The following INTS10 variants were observed in gnomAD, a reference collection of about 807,000 sequenced individuals.
The protein encoded by INTS10 is chromosome 8 open reading frame 35.
In INTS10, 44 loss-of-function variants were observed where a neutral mutation model predicts 94.4. The ratio of observed to expected loss-of-function variants is 0.47; its 90% CI spans 0.37 to 0.60. INTS10 has a LOEUF of 0.60. INTS10 is among the 20% of genes least tolerant of loss of function. The probability of loss-of-function intolerance (pLI) is 0.00; values close to 1 mark genes in which losing one functional copy is unlikely to be tolerated. For missense variants in INTS10, 797 were observed against 868.7 expected (o/e 0.92, Z 1.04); for synonymous variants, 341 against 320.7 (o/e 1.06, Z -0.68).
At chr8:19,842,617 A>G (rs1179087230) in intron 13 of INTS10, among the ~76,000 whole-genome samples, 1 of 152,248 alleles carries the variant, frequency 6.6e-6, no homozygotes, top group Admixed American at 6.5e-5. Context: ...TCTCATAAAA[A>G]GTATTTAAGC....
chr8:19,820,495 C>T lies in INTS10; in HGVS notation c.418C>T (p.Pro140Ser). 1 of 1,612,586 alleles carries T rather than the reference C, an allele frequency of 6.2e-7. No homozygotes were observed. Among genetic ancestry groups the T allele is most frequent in the South Asian group, 1.1e-5 (1 of 90,952 alleles). The change falls in exon 4 of 17, where the codon CCT (proline) becomes TCT (serine). Residue 140 changes from proline (P) to serine (S), a missense_variant. This residue lies in a region of INTS10 where 734 missense variants were observed against 787.8 expected (regional missense o/e 0.93). Coordinates refer to ENST00000397977, the MANE Select transcript of INTS10 (RefSeq NM_018142.4). ...GTTGCTTCTACTTTTGAGGCGCTTC[C>T]CTGAAACGGTGGTGCAGCATGGGGT... is the stretch of plus-strand genomic sequence containing the variant. ...EMLLLLLRRF[P>S]ETVVQHGVGL... is the part of the protein sequence containing the mutation.
In INTS10 at chr8:19,845,450, AGGGAGTTTAGT is replaced by A. The variant is rs1340786750; in HGVS notation, c.1883-250_1883-240del. The A allele has an allele frequency of 1.1e-5, 5 of 475,062 alleles. 1 individual carries two copies. In the Admixed American group the frequency reaches 1.6e-4, roughly 15 times the overall value. The allele number at this position is 475,062 out of a possible 1,614,324, so 29.4% of individuals were successfully genotyped here. A position where few individuals can be genotyped will look rare whatever the true frequency, so the allele number is the denominator to read the frequency against. On this transcript the variant is annotated intron_variant, in intron 15 of 16. Transcript: ENST00000397977. ...TCTCATGCCAAGAGTTATCTGTGCG[AGGGAGTTTAGT>A]GGGTATAAGAATCAGGTTTTGGCAT...
chr8:19,828,053 G>GA (rs1036800437), intron 9 of INTS10, among the ~76,000 whole-genome samples: 75 of 146,382 alleles, frequency 5.1e-4, no homozygotes, highest in East Asian at 1.2e-3. Flanking sequence ...TATAAAAAAT[G>GA]AAAAAAAAAA....
chr8:19,818,911 A>G (rs986494561), intron 2 of INTS10: 1 of 152,316 alleles, frequency 6.6e-6, no homozygotes, highest in Non-Finnish European at 1.5e-5. Context: ...ATAGTTTTAA[A>G]TTATTTGAAA....
rs760240743 is a variant in INTS10 at position 19,817,685 on chromosome 8, A to C, written c.129+19A>C. On this transcript the variant is annotated intron_variant, in intron 1 of 16. Coordinates refer to ENST00000397977, the MANE Select transcript of INTS10 (RefSeq NM_018142.4). ...CATCCAGGTGAGGTCCCGGCTGTGC[A>C]TGCGGCCGCTCTGCGTGGAGGTGCG... The C allele has an allele frequency of 2.1e-5, 33 of 1,597,122 alleles. No homozygotes were observed. In the South Asian group the frequency reaches 3.0e-4, roughly 15 times the overall value.
Position 19,826,441 on chromosome 8 carries a change from G to A in INTS10, c.1022G>A (p.Ser341Asn). The A allele has an allele frequency of 3.7e-6, 6 of 1,611,846 alleles. No individual in the cohort carries two copies. Among genetic ancestry groups the A allele is most frequent in the Non-Finnish European group, 5.1e-6 (6 of 1,179,306 alleles). Reference protein sequence around the residue: ...PSLFQGPNAPSQVPLVLLEDV... With the variant: ...PSLFQGPNAPNQVPLVLLEDV... Reference sequence around the variant, plus strand: ...CCGTCCTTAGGTCCTAATGCCCCGAGCCAAGTTCCACTGGTTCTTCTTGAA... The same window carrying A: ...CCGTCCTTAGGTCCTAATGCCCCGAACCAAGTTCCACTGGTTCTTCTTGAA... Residue 341 changes from serine (S) to asparagine (N), a missense_variant, in exon 9 of 17, where the codon AGC becomes AAC. By Grantham distance (46) the Ser-to-Asn change is conservative (BLOSUM62 1). This residue lies in a region of INTS10 where 734 missense variants were observed against 787.8 expected (regional missense o/e 0.93). Transcript: ENST00000397977.
chr8:19,833,136 C>G (rs1589991199), intron 11 of INTS10, 33 bp from the exon 12 acceptor site: 6 of 1,494,904 alleles, frequency 4.0e-6, no homozygotes, highest in Non-Finnish European at 5.4e-6. Flanking sequence ...AACAGCGATG[C>G]TTTTCCCCTC....
At chr8:19,820,581 G>C (rs753273432) in intron 4 of INTS10, 63 bp downstream of exon 4, 1 of 1,414,300 alleles carries the variant, frequency 7.1e-7, no homozygotes, top group African/African-American at 1.4e-5. Flanking sequence ...CAGATTCATC[G>C]GTATGGTGAG....
At position 19,818,350 on chromosome 8, in the gene INTS10, G is replaced by C. The variant is rs1285883325; in HGVS notation, c.197+8G>C. ...GAGGCTGCTGTACGACATGTGAGTGGGACGCTTGACATCACTTTTACTGCA... is the reference window on the plus strand; with the variant it reads ...GAGGCTGCTGTACGACATGTGAGTGCGACGCTTGACATCACTTTTACTGCA... On this transcript the variant is annotated splice_region_variant and intron_variant, in intron 2 of 16. Coordinates refer to ENST00000397977, the MANE Select transcript of INTS10 (RefSeq NM_018142.4). 8.1e-6 allele frequency: 13 copies of C among 1,613,106 alleles called. No individual in the cohort carries two copies. Among genetic ancestry groups the C allele is most frequent in the Non-Finnish European group, 1.1e-5 (13 of 1,179,804 alleles).
At position 19,833,387 on chromosome 8, in the gene INTS10, T is replaced by C. The variant is rs561194773; in HGVS notation, c.1530+66T>C. ...GGCCACCTGGCCTTTCTCCTTTCCC[T>C]AGCGTGGCTTTTCATTCAGTGCACG... is the stretch of plus-strand genomic sequence containing the variant. On this transcript the variant is annotated intron_variant, in intron 12 of 16. Transcript: ENST00000397977. 5.0e-5 allele frequency: 63 copies of C among 1,269,582 alleles called. No homozygotes were observed. The African/African-American group carries it at 9.4e-4, about 19-fold the overall frequency. 78.6% of individuals were successfully genotyped at this position (1,269,582 alleles called of 1,614,324 possible). A position where few individuals can be genotyped will look rare whatever the true frequency, so the allele number is the denominator to read the frequency against.
At chr8:19,823,462 CT>C in intron 6 of INTS10, 21 bp downstream of exon 6, 1 of 1,535,376 alleles carries the variant, frequency 6.5e-7, no homozygotes, top group East Asian at 2.3e-5. Context: ...ATACCCTGTA[CT>C]TTTACTTAAA....
Position 19,851,804 on chromosome 8 carries a change from G to A in INTS10, c.2132G>A (p.Ter711=), listed in dbSNP as rs768771942. ...EKILLLQTLT[*] ...ATCTTGCTCCTTCAGACTCTGACCTGAGTGGAGACCTTTCCACCAGACACA... is the reference window on the plus strand; with the variant it reads ...ATCTTGCTCCTTCAGACTCTGACCTAAGTGGAGACCTTTCCACCAGACACA... The change falls in exon 17 of 17, where the codon TGA becomes TAA. Residue 711 remains the stop codon, a stop_retained_variant. Coordinates refer to ENST00000397977, the MANE Select transcript of INTS10 (RefSeq NM_018142.4). The surrounding 1 kb of genome is among the most constrained non-coding windows in gnomAD (Gnocchi z 5.0). 1 of 1,613,976 alleles carries A rather than the reference G, an allele frequency of 6.2e-7. No individual in the cohort carries two copies. Among genetic ancestry groups the A allele is most frequent in the Non-Finnish European group, 8.5e-7 (1 of 1,179,888 alleles).
intron 13 of INTS10, among the ~76,000 whole-genome samples, chr8:19,840,132 A>G (rs1396033953): frequency 1.3e-5 from 2 of 151,156 alleles, no homozygotes; most frequent in African/African-American, 2.4e-5. Context: ...TTCAATTTGT[A>G]TGCTATTAAT....
At position 19,830,321 on chromosome 8, in the gene INTS10, G is replaced by A. The variant is rs1291645630; in HGVS notation, c.1141-85G>A. ...TCCTTTGATATAAAATTCATATCACGGGCCAAACTGGCAGCAATAATATGT... is the reference window on the plus strand; with the variant it reads ...TCCTTTGATATAAAATTCATATCACAGGCCAAACTGGCAGCAATAATATGT... On this transcript the variant is annotated intron_variant, in intron 9 of 16. Transcript: ENST00000397977. 4 of 1,180,146 alleles carry A rather than the reference G, an allele frequency of 3.4e-6. No homozygotes were observed. The East Asian group carries it at 8.1e-5, about 24-fold the overall frequency. 73.1% of individuals were successfully genotyped at this position (1,180,146 alleles called of 1,614,324 possible).
chr8:19,849,095 G>A lies in INTS10; in HGVS notation c.1977-2554G>A. ...TAGTCTTGTGTATTTTCTCTGGAGT[G>A]TTGTTTTTGCAGTGCAGGGTGAGTC... On this transcript the variant is annotated intron_variant, in intron 16 of 16. Transcript: ENST00000397977. The surrounding 1 kb of genome is among the most constrained non-coding windows in gnomAD (Gnocchi z 4.6). 1 of 668,882 alleles carries A rather than the reference G, an allele frequency of 1.5e-6. No individual in the cohort carries two copies. Among genetic ancestry groups the A allele is most frequent in the South Asian group, 1.5e-5 (1 of 68,034 alleles). The allele number at this position is 668,882 out of a possible 1,614,324, so 41.4% of individuals were successfully genotyped here.
intron 12 of INTS10, among the ~76,000 whole-genome samples, chr8:19,836,693 G>A (rs1264979629): frequency 6.6e-6 from 1 of 152,096 alleles, no homozygotes; most frequent in African/African-American, 2.4e-5. Context: ...ATTTTTTATT[G>A]TTAGTTTTTC....
At chr8:19,820,233 G>A (rs949238388) in intron 3 of INTS10, 146 bp from the exon 4 acceptor site, 1 of 627,448 alleles carries the variant, frequency 1.6e-6, no homozygotes, top group South Asian at 3.4e-5. Flanking sequence ...GCTCCAAAAG[G>A]CTGCCAGGTT....
At position 19,843,042 on chromosome 8, in the gene INTS10, C is replaced by A; in HGVS notation, c.1719+115C>A. On this transcript the variant is annotated intron_variant, in intron 14 of 16. Coordinates refer to ENST00000397977, the MANE Select transcript of INTS10 (RefSeq NM_018142.4). This position sits in a 1 kb window ranked among gnomAD's most constrained non-coding sequence, Gnocchi z 4.7. ...TTATTTTAGTACTTTTGAGGGCAGGCCCAAACAGTTAGAAAAGCACATGGG... is the reference window on the plus strand; with the variant it reads ...TTATTTTAGTACTTTTGAGGGCAGGACCAAACAGTTAGAAAAGCACATGGG... 1.4e-6 allele frequency: 1 copy of A among 725,258 alleles called. No homozygotes were observed. The highest frequency in any genetic ancestry group is 2.4e-6 in the Non-Finnish European group (1 of 418,688). 44.9% of individuals were successfully genotyped at this position (725,258 alleles called of 1,614,324 possible).
chr8:19,849,724 C>G lies in INTS10; in HGVS notation c.1977-1925C>G, dbSNP rs796758973. Among the ~76,000 whole-genome samples the G allele has an allele frequency of 1.2e-4, 18 of 152,142 alleles. No homozygotes were observed. The highest frequency in any genetic ancestry group is 4.3e-4 in the African/African-American group (18 of 41,500). On this transcript the variant is annotated intron_variant, in intron 16 of 16. Transcript: ENST00000397977. This position sits in a 1 kb window ranked among gnomAD's most constrained non-coding sequence, Gnocchi z 4.6. ...TTCCTGCTACTGATGTTTTTTCAGACCTTACCTTTCTGAATTGAAAATATT... is the reference window on the plus strand; with the variant it reads ...TTCCTGCTACTGATGTTTTTTCAGAGCTTACCTTTCTGAATTGAAAATATT...
Sources: gnomAD v4.1 joint callset for allele counts (sites outside exome capture counted in the v4.1 genomes callset) on GRCh38, gnomAD v4.1.1 for gene constraint, gnomAD v4.1.1 regional missense constraint, Gnocchi (gnomAD v3.1) non-coding constraint, MANE v1.5 for transcripts, NCBI Gene and HGNC (gene_info 2026-07-23, HGNC 2026-07-21) for gene names.